ADGRL2: variants seen among roughly 807,000 people sequenced by gnomAD.
ADGRL2 encodes the protein adhesion G protein-coupled receptor L2.
Under a neutral mutation model 157.4 loss-of-function variants are expected in ADGRL2, and 44 were observed. The observed-to-expected ratio is 0.28, with a 90% confidence interval of 0.22 to 0.36. ADGRL2 has a LOEUF of 0.36. ADGRL2 is among the 10% of genes least tolerant of loss of function. The pLI is 1.00. For missense variants in ADGRL2, 1,510 were observed against 1,768.9 expected (o/e 0.85, Z 2.63); for synonymous variants, 585 against 624.7 (o/e 0.94, Z 0.95).
intron 3 of ADGRL2, among the ~76,000 whole-genome samples, chr1:81,668,950 C>A (rs190006463): frequency 6.6e-6 from 1 of 152,152 alleles, no homozygotes; most frequent in Non-Finnish European, 1.5e-5. Context: ...ATACCTTCCT[C>A]AATATCTTGC....
intron 2 of ADGRL2, among the ~76,000 whole-genome samples, chr1:81,524,454 G>A (rs973786274): frequency 5.9e-5 from 9 of 152,138 alleles, no homozygotes; most frequent in African/African-American, 1.9e-4. Context: ...AATCTATTTA[G>A]GATTATACAC....
At chr1:81,952,278 T>G in intron 9 of ADGRL2, 136 bp downstream of exon 9, 1 of 605,840 alleles carries the variant, frequency 1.7e-6, no homozygotes, top group Non-Finnish European at 2.7e-6. Context: ...GGTTCATTTT[T>G]CCAAGGAAGA....
intron 2 of ADGRL2, among the ~76,000 whole-genome samples, chr1:81,448,744 C>T (rs1017900584): frequency 2.0e-5 from 3 of 151,798 alleles, no homozygotes; most frequent in Non-Finnish European, 4.4e-5. Context: ...AAATTGGACC[C>T]TCCTCATATT....
chr1:81,820,533 G>T (rs1203891559), intron 1 of ADGRL2, among the ~76,000 whole-genome samples: 1 of 151,704 alleles, frequency 6.6e-6, no homozygotes, highest in Non-Finnish European at 1.5e-5. Context: ...TCACTCTTCA[G>T]ATTTTTTTTC....
intron 1 of ADGRL2, among the ~76,000 whole-genome samples, chr1:81,354,034 A>G (rs572771205): frequency 3.2e-4 from 48 of 152,314 alleles, no homozygotes; most frequent in Admixed American, 7.8e-4. Flanking sequence ...GGAGAGTAAC[A>G]GCACCAAAGA....
intron 3 of ADGRL2, among the ~76,000 whole-genome samples, chr1:81,656,693 TGTCA>T (rs2082540236): frequency 6.6e-6 from 1 of 152,152 alleles, no homozygotes. Flanking sequence ...TGAGATATTC[TGTCA>T]CTTACCATAT....
At chr1:81,391,983 A>G (rs2076567864) in intron 1 of ADGRL2, among the ~76,000 whole-genome samples, 2 of 152,092 alleles carry the variant, frequency 1.3e-5, no homozygotes, top group Non-Finnish European at 2.9e-5. Flanking sequence ...CATTATCTCC[A>G]GTTTACTTAT....
chr1:81,386,024 G>A (rs1309014659), intron 1 of ADGRL2, among the ~76,000 whole-genome samples: 1 of 151,892 alleles, frequency 6.6e-6, no homozygotes, highest in East Asian at 1.9e-4. Flanking sequence ...AAAAAAAATG[G>A]CTTCAGCGCA....
At chr1:81,866,507 A>G (rs1317083067) in intron 2 of ADGRL2, among the ~76,000 whole-genome samples, 1 of 152,158 alleles carries the variant, frequency 6.6e-6, no homozygotes, top group East Asian at 1.9e-4. Flanking sequence ...AACTTTTTAT[A>G]TATTCTGGCA....
chr1:81,754,303 A>G (rs1319665800), intron 1 of ADGRL2, among the ~76,000 whole-genome samples: 1 of 149,638 alleles, frequency 6.7e-6, no homozygotes, highest in Non-Finnish European at 1.5e-5. Flanking sequence ...CTTTGGAAAC[A>G]TAGACATACT....
intron 2 of ADGRL2, among the ~76,000 whole-genome samples, chr1:81,846,473 A>G (rs1326548994): frequency 1.3e-5 from 2 of 151,590 alleles, no homozygotes; most frequent in African/African-American, 2.4e-5. Flanking sequence ...GAGTTTCAAG[A>G]AACATAAAGA....
At chr1:81,890,841 A>G (rs1315456524) in intron 2 of ADGRL2, among the ~76,000 whole-genome samples, 3 of 152,208 alleles carry the variant, frequency 2.0e-5, no homozygotes, top group African/African-American at 7.2e-5. Flanking sequence ...TTTGGTTCTC[A>G]GGGTGAGAAA....
intron 2 of ADGRL2, among the ~76,000 whole-genome samples, chr1:81,868,710 C>G (rs1405176452): frequency 6.6e-6 from 1 of 152,072 alleles, no homozygotes; most frequent in Non-Finnish European, 1.5e-5. Context: ...ACATTCATAC[C>G]TACAAAACTC....
intron 2 of ADGRL2, among the ~76,000 whole-genome samples, chr1:81,886,477 C>T (rs978749905): frequency 6.6e-6 from 1 of 152,130 alleles, no homozygotes; most frequent in African/African-American, 2.4e-5. Flanking sequence ...GCTGGTACAC[C>T]TTTTATATTG....
chr1:81,797,589 T>A (rs2087653699), upstream of ADGRL2, among the ~76,000 whole-genome samples: 2 of 152,308 alleles, frequency 1.3e-5, no homozygotes, highest in African/African-American at 2.4e-5. Flanking sequence ...TGCACCTATG[T>A]CCATTTTCAT....
rs574922496 is a variant in ADGRL2 at position 81,893,089 on chromosome 1, A to G, written c.74-13928A>G. On this transcript the variant is annotated intron_variant, in intron 2 of 23. Transcript: ENST00000686636. ...TATTTTTCAGTGCCTGGGTTCTTTCATGTGTTCATTGTTACATCTTCTGTG... is the reference window on the plus strand; with the variant it reads ...TATTTTTCAGTGCCTGGGTTCTTTCGTGTGTTCATTGTTACATCTTCTGTG... Among the ~76,000 whole-genome samples the G allele has an allele frequency of 4.9e-4, 74 of 152,234 alleles. No homozygotes were observed. The South Asian group carries it at 0.015, about 31-fold the overall frequency.
At chr1:81,573,708 C>T (rs556572642) in intron 2 of ADGRL2, among the ~76,000 whole-genome samples, 212 of 152,224 alleles carry the variant, frequency 1.4e-3, no homozygotes, top group African/African-American at 4.6e-3. Flanking sequence ...GATAAGATCA[C>T]GCCATGTTAG....
intron 1 of ADGRL2, among the ~76,000 whole-genome samples, chr1:81,700,514 C>A (rs938379950): frequency 9.9e-5 from 15 of 152,100 alleles, no homozygotes; most frequent in African/African-American, 3.1e-4. Flanking sequence ...AGACCAAAAC[C>A]GTCACAACTA....
chr1:81,579,640 C>CT (rs1290308810), intron 2 of ADGRL2, among the ~76,000 whole-genome samples: 1 of 152,092 alleles, frequency 6.6e-6, no homozygotes, highest in African/African-American at 2.4e-5. Flanking sequence ...GCATCTGCAG[C>CT]TTTTTTTCCT....
Sources: gnomAD v4.1 joint callset for allele counts (sites outside exome capture counted in the v4.1 genomes callset) on GRCh38, gnomAD v4.1.1 for gene constraint, MANE v1.5 for transcripts, NCBI Gene and HGNC (gene_info 2026-07-23, HGNC 2026-07-21) for gene names.